CDH4: variants seen among roughly 807,000 people sequenced by gnomAD.
The protein encoded by CDH4 is cadherin-4.
In CDH4, 33 loss-of-function variants were observed where a neutral mutation model predicts 86.0. That is an observed-to-expected ratio of 0.38 (90% CI 0.29 to 0.51). The LOEUF (loss-of-function observed/expected upper bound fraction) is 0.51, where lower values mean the gene tolerates loss of function less well. CDH4 is among the 20% of genes least tolerant of loss of function. CDH4 has a pLI of 0.86. For missense variants in CDH4, 1,114 were observed against 1,307.4 expected (o/e 0.85, Z 2.28); for synonymous variants, 555 against 549.4 (o/e 1.01, Z -0.14).
At chr20:61,490,737 G>A (rs1465130535) in intron 2 of CDH4, among the ~76,000 whole-genome samples, 1 of 152,100 alleles carries the variant, frequency 6.6e-6, no homozygotes, top group Non-Finnish European at 1.5e-5. Context: ...TGGCAGTGGT[G>A]GGAGTCGGAG....
chr20:61,513,419 T>G (rs2085795012), intron 2 of CDH4, among the ~76,000 whole-genome samples: 3 of 152,180 alleles, frequency 2.0e-5, no homozygotes. Flanking sequence ...TGAGAACTTC[T>G]GTGCTCATCT....
intron 2 of CDH4, among the ~76,000 whole-genome samples, chr20:61,529,348 AT>A (rs1568879229): frequency 6.6e-6 from 1 of 152,350 alleles, no homozygotes; most frequent in East Asian, 1.9e-4. Flanking sequence ...AAAATGGATT[AT>A]TCAGGTGATG....
At chr20:61,294,430 C>A (rs1180260179) in intron 2 of CDH4, among the ~76,000 whole-genome samples, 1 of 152,216 alleles carries the variant, frequency 6.6e-6, no homozygotes, top group Non-Finnish European at 1.5e-5. Context: ...GGGGCAGGGC[C>A]CCGACTCGGC....
intron 3 of CDH4, among the ~76,000 whole-genome samples, chr20:61,752,978 C>T (rs76808826): frequency 1.4e-3 from 220 of 152,256 alleles, no homozygotes; most frequent in African/African-American, 4.9e-3. Flanking sequence ...GTGTTCTGTA[C>T]GCTGTTGTAC....
At chr20:61,808,472 G>A (rs1980255256) in intron 4 of CDH4, among the ~76,000 whole-genome samples, 1 of 152,062 alleles carries the variant, frequency 6.6e-6, no homozygotes, top group Non-Finnish European at 1.5e-5. Flanking sequence ...TTGAGTCTGT[G>A]GGCACATTAA....
At chr20:61,578,422 AG>A (rs1362775625) in intron 2 of CDH4, among the ~76,000 whole-genome samples, 41 of 152,380 alleles carry the variant, frequency 2.7e-4, no homozygotes, top group African/African-American at 8.7e-4. Flanking sequence ...TCTACAAATT[AG>A]TGCAAAATAA....
intron 2 of CDH4, among the ~76,000 whole-genome samples, chr20:61,591,820 A>T (rs368717621): frequency 1.3e-5 from 2 of 152,172 alleles, no homozygotes; most frequent in Admixed American, 6.5e-5. Context: ...ACGGCAGTTT[A>T]AAAAAATGAC....
chr20:61,760,456 G>C (rs1358951935), intron 3 of CDH4, among the ~76,000 whole-genome samples: 1 of 152,270 alleles, frequency 6.6e-6, no homozygotes, highest in African/African-American at 2.4e-5. Flanking sequence ...GGAACGGTGA[G>C]GGCTGAGAGC....
At position 61,387,439 on chromosome 20, in the gene CDH4, CAGAG is replaced by C. The variant is rs1052838188; in HGVS notation, c.169+132504_169+132507del. 3.3e-5 allele frequency among the ~76,000 whole-genome samples: 5 copies of C among 151,358 alleles called. 1 individual carries two copies. Among genetic ancestry groups the C allele is most frequent in the Middle Eastern group, 6.8e-3 (2 of 294 alleles). ...ACACAGAGACACACAGCCACACAAA[CAGAG>C]AAACACACAGCCACACAAATATATA... On this transcript the variant is annotated intron_variant, in intron 2 of 15. Coordinates refer to ENST00000614565, the MANE Select transcript of CDH4 (RefSeq NM_001794.5).
At position 61,703,898 on chromosome 20, in the gene CDH4, C is replaced by T. The variant is rs531607392; in HGVS notation, c.170-39665C>T. Among the ~76,000 whole-genome samples, 1 of 152,130 alleles carries T rather than the reference C, an allele frequency of 6.6e-6. No homozygotes were observed. Among genetic ancestry groups the T allele is most frequent in the Non-Finnish European group, 1.5e-5 (1 of 68,042 alleles). On this transcript the variant is annotated intron_variant, in intron 2 of 15. Transcript: ENST00000614565. This position sits in a 1 kb window ranked among gnomAD's most constrained non-coding sequence, Gnocchi z 4.3. ...ATTAATTGTGACCTTTCAGAACTCC[C>T]AATTAAATTTTTCCAATAAAATGAA...
At chr20:61,375,408 G>A (rs2084861494) in intron 2 of CDH4, among the ~76,000 whole-genome samples, 1 of 151,800 alleles carries the variant, frequency 6.6e-6, no homozygotes, top group African/African-American at 2.4e-5. Context: ...TCATGGTGGA[G>A]GTGTTGGTGA....
intron 2 of CDH4, among the ~76,000 whole-genome samples, chr20:61,633,309 GC>G (rs1343360452): frequency 6.7e-6 from 1 of 148,538 alleles, no homozygotes; most frequent in Non-Finnish European, 1.5e-5. Context: ...ATCCACTCAT[GC>G]ATCCAACTCT....
At chr20:61,924,654 A>T (rs2055025383) in intron 11 of CDH4, among the ~76,000 whole-genome samples, 178 bp downstream of exon 11, 1 of 151,828 alleles carries the variant, frequency 6.6e-6, no homozygotes, top group African/African-American at 2.4e-5. Flanking sequence ...GCGTCATCTC[A>T]GGGCCCCCAG....
chr20:61,675,085 C>G (rs1429633491), intron 2 of CDH4, among the ~76,000 whole-genome samples: 7 of 152,206 alleles, frequency 4.6e-5, no homozygotes, highest in Non-Finnish European at 8.8e-5. Flanking sequence ...TTCATTCTAG[C>G]AGTGCAGGAA....
chr20:61,497,606 G>A (rs2085671770), intron 2 of CDH4, among the ~76,000 whole-genome samples: 1 of 152,196 alleles, frequency 6.6e-6, no homozygotes, highest in Non-Finnish European at 1.5e-5. Flanking sequence ...TACACTGTTG[G>A]TGGGACTGTA....
intron 2 of CDH4, among the ~76,000 whole-genome samples, chr20:61,315,034 T>C (rs1399740807): frequency 2.0e-5 from 3 of 152,224 alleles, no homozygotes; most frequent in African/African-American, 4.8e-5. Context: ...AACACCTTTA[T>C]TTTAAACATG....
intron 2 of CDH4, among the ~76,000 whole-genome samples, chr20:61,380,698 T>G (rs2145446390): frequency 6.6e-6 from 1 of 152,338 alleles, no homozygotes; most frequent in East Asian, 1.9e-4. Flanking sequence ...AAAGACCATA[T>G]GAACTGTTAA....
intron 2 of CDH4, among the ~76,000 whole-genome samples, chr20:61,697,759 G>T (rs1168802751): frequency 2.0e-5 from 3 of 152,116 alleles, no homozygotes; most frequent in African/African-American, 7.3e-5. Flanking sequence ...CCCCAGAGGG[G>T]TGTCCATCTC....
intron 7 of CDH4, among the ~76,000 whole-genome samples, chr20:61,886,206 G>T (rs546871905): frequency 6.6e-6 from 1 of 152,314 alleles, no homozygotes; most frequent in Non-Finnish European, 1.5e-5. Flanking sequence ...AGAACTTCAG[G>T]ATCTGAGTTC....
Sources: gnomAD v4.1 joint callset for allele counts (sites outside exome capture counted in the v4.1 genomes callset) on GRCh38, gnomAD v4.1.1 for gene constraint, Gnocchi (gnomAD v3.1) non-coding constraint, MANE v1.5 for transcripts, NCBI Gene and HGNC (gene_info 2026-07-23, HGNC 2026-07-21) for gene names.